The following SH3RF2 variants were observed in gnomAD, a reference collection of about 807,000 sequenced individuals.
SH3RF2 encodes the protein SH3 domain containing ring finger 2.
In SH3RF2, 43 loss-of-function variants were observed where a neutral mutation model predicts 59.0. The ratio of observed to expected loss-of-function variants is 0.73; its 90% CI spans 0.57 to 0.94. SH3RF2 has a LOEUF of 0.94. Among genes scored for constraint, SH3RF2 ranks in the 40% least tolerant of loss-of-function variants. The pLI, the probability that SH3RF2 is intolerant of heterozygous loss-of-function variation, is 0.00. For missense variants in SH3RF2, 930 were observed against 940.1 expected (o/e 0.99, Z 0.14); for synonymous variants, 391 against 391.5 (o/e 1.00, Z 0.01).
intron 5 of SH3RF2, among the ~76,000 whole-genome samples, chr5:146,044,723 A>C (rs1762246799): frequency 6.6e-6 from 1 of 151,828 alleles, no homozygotes. Flanking sequence ...ACCCTATGCC[A>C]TTCTCAGGGT....
chr5:145,999,237 A>G (rs1760295592), intron 2 of SH3RF2, among the ~76,000 whole-genome samples: 2 of 152,206 alleles, frequency 1.3e-5, no homozygotes, highest in African/African-American at 2.4e-5. Context: ...ATAGAATTAA[A>G]GAAAGTTAGG....
intron 2 of SH3RF2, among the ~76,000 whole-genome samples, chr5:145,971,875 ATG>A (rs1759095947): frequency 1.1e-5 from 1 of 93,708 alleles, no homozygotes. Flanking sequence ...AGTGATAATG[ATG>A]ATGATGATGA....
intron 3 of SH3RF2, among the ~76,000 whole-genome samples, chr5:146,003,279 G>T (rs1760502040): frequency 6.6e-6 from 1 of 152,310 alleles, no homozygotes; most frequent in East Asian, 1.9e-4. Flanking sequence ...TTAACAGGTG[G>T]TGGGAAAGGG....
intron 5 of SH3RF2, among the ~76,000 whole-genome samples, chr5:146,024,690 G>A (rs1405914935): frequency 6.6e-6 from 1 of 152,038 alleles, no homozygotes; most frequent in Non-Finnish European, 1.5e-5. Context: ...TTACTCTAAT[G>A]TTTAGATTTT....
intron 5 of SH3RF2, among the ~76,000 whole-genome samples, chr5:146,025,958 A>G (rs987759216): frequency 2.6e-5 from 4 of 152,206 alleles, no homozygotes; most frequent in Non-Finnish European, 5.9e-5. Flanking sequence ...AGCCATTGCT[A>G]TTACCTTCCC....
rs1242184609 is a variant in SH3RF2 at position 146,002,460 on chromosome 5, AAAGAAAGAAAAGGAAGG to A, written c.649-1594_649-1578del. ...AGCGAGACTCCATCTAAAAATTAAA[AAAGAAAGAAAAGGAAGG>A]AAGGAAGGAAGGAAGGAAGGAAGGA... On this transcript the variant is annotated intron_variant, in intron 3 of 9. Transcript: ENST00000359120. Among the ~76,000 whole-genome samples the A allele has an allele frequency of 6.7e-4, 96 of 143,224 alleles. 1 individual carries two copies. The highest frequency in any genetic ancestry group is 2.4e-4 in the Non-Finnish European group (16 of 66,098). 94.0% of individuals were successfully genotyped at this position (143,224 alleles called of 152,430 possible).
intron 5 of SH3RF2, among the ~76,000 whole-genome samples, chr5:146,027,168 G>T (rs1453093759): frequency 6.6e-6 from 1 of 152,214 alleles, no homozygotes; most frequent in Non-Finnish European, 1.5e-5. Flanking sequence ...ATTAGGGAAG[G>T]AGTGTGACTC....
At chr5:146,010,247 A>G (rs1367793807) in intron 4 of SH3RF2, among the ~76,000 whole-genome samples, 1 of 152,184 alleles carries the variant, frequency 6.6e-6, no homozygotes, top group East Asian at 1.9e-4. Context: ...CATGGTGTAT[A>G]TGTGCCACAT....
rs566264171 is a variant in SH3RF2 at position 146,056,235 on chromosome 5, C to T, written c.1555+22C>T. 53 of 1,613,988 alleles carry T rather than the reference C, an allele frequency of 3.3e-5. No homozygotes were observed. The South Asian group carries it at 3.4e-4, about 10-fold the overall frequency. On this transcript the variant is annotated intron_variant, in intron 8 of 9. Transcript: ENST00000359120. ...AAGAGTAAGTGGTGGCAGAGAGGTA[C>T]GTGCCTAGAGCTAAGTGATGGGGGG...
Position 145,997,372 on chromosome 5 carries a change from A to G in SH3RF2, c.379-2686A>G. 3 of 1,203,818 alleles carry G rather than the reference A, an allele frequency of 2.5e-6. 1 individual carries two copies. The South Asian group carries it at 3.6e-5, about 15-fold the overall frequency. 74.6% of individuals were successfully genotyped at this position (1,203,818 alleles called of 1,614,324 possible). On this transcript the variant is annotated intron_variant, in intron 2 of 9. Transcript: ENST00000359120. Reference sequence around the variant, plus strand: ...CTCCAGTCTAAATATGTTGAAGAGCAGCCTGGTCATTTATAAATGGGCTTT... The same window carrying G: ...CTCCAGTCTAAATATGTTGAAGAGCGGCCTGGTCATTTATAAATGGGCTTT...
chr5:146,065,470 G>C (rs1221282269), downstream of SH3RF2, among the ~76,000 whole-genome samples: 1 of 152,198 alleles, frequency 6.6e-6, no homozygotes, highest in African/African-American at 2.4e-5. Context: ...CTATCCCTCA[G>C]TGGCAATGTA....
chr5:146,030,625 C>A (rs1486680921), intron 5 of SH3RF2, among the ~76,000 whole-genome samples: 1 of 152,184 alleles, frequency 6.6e-6, no homozygotes, highest in Non-Finnish European at 1.5e-5. Flanking sequence ...AAATTATCCA[C>A]TGTTCATTCA....
At chr5:146,072,819 G>A (rs935701152) in intron 9 of SH3RF2, among the ~76,000 whole-genome samples, 1 of 152,156 alleles carries the variant, frequency 6.6e-6, no homozygotes, top group African/African-American at 2.4e-5. Context: ...TACAGGCCCC[G>A]TGTTTCCCTG....
At chr5:145,980,407 T>C (rs903238895) in intron 2 of SH3RF2, among the ~76,000 whole-genome samples, 2 of 152,224 alleles carry the variant, frequency 1.3e-5, no homozygotes, top group African/African-American at 4.8e-5. Context: ...TCATGAATCT[T>C]TCCCATGACA....
At position 146,063,176 on chromosome 5, in the gene SH3RF2, C is replaced by T. The variant is rs1473099263; in HGVS notation, c.*475C>T. 6.5e-6 allele frequency: 1 copy of T among 154,390 alleles called. No individual in the cohort carries two copies. The highest frequency in any genetic ancestry group is 1.4e-5 in the Non-Finnish European group (1 of 69,756). 9.6% of individuals were successfully genotyped at this position (154,390 alleles called of 1,614,324 possible). ...CCTGTACACTGGCCACTAGTAGCTG[C>T]CATATCTTTTTCCCTCTGTAAAGTC... On this transcript the variant is annotated 3_prime_UTR_variant, in exon 10 of 10. Coordinates refer to ENST00000359120, the MANE Select transcript of SH3RF2 (RefSeq NM_152550.4).
In SH3RF2 at chr5:146,076,026, A is replaced by AT. The variant is rs1371247192; in HGVS notation, c.*34-2428dup. Among the ~76,000 whole-genome samples the AT allele has an allele frequency of 6.6e-5, 10 of 152,130 alleles. No homozygotes were observed. The South Asian group carries it at 2.1e-3, about 32-fold the overall frequency. On this transcript the variant is annotated intron_variant, in intron 9 of 9. Coordinates refer to the SH3RF2 transcript ENST00000511217. ...AGTCACACCTCCTACCATTGATGGG[A>AT]TTTTTTGGGTGCCTATTAAAATGTC...
rs998680303 is a variant in SH3RF2 at position 145,993,767 on chromosome 5, T to C, written c.379-6291T>C. ...TCCTCCTAGGCCTCCAGGCCTGTGA[T>C]GGGAGGGGCTGCCATGAAGACCTCT... is the stretch of plus-strand genomic sequence containing the variant. On this transcript the variant is annotated intron_variant, in intron 2 of 9. Transcript: ENST00000359120. Among the ~76,000 whole-genome samples the C allele has an allele frequency of 2.4e-3, 370 of 152,330 alleles. 1 individual carries two copies. Among genetic ancestry groups the C allele is most frequent in the Non-Finnish European group, 2.6e-3 (175 of 68,030 alleles).
At chr5:146,065,000 A>G (rs1024971836), downstream of SH3RF2, among the ~76,000 whole-genome samples, 5 of 152,158 alleles carry the variant, frequency 3.3e-5, no homozygotes, top group African/African-American at 1.2e-4. Flanking sequence ...CACTCGGCAA[A>G]CAGAATTGTC....
At chr5:146,035,734 G>A (rs974588697) in intron 5 of SH3RF2, among the ~76,000 whole-genome samples, 1 of 152,168 alleles carries the variant, frequency 6.6e-6, no homozygotes, top group Non-Finnish European at 1.5e-5. Context: ...AAGGACGTAG[G>A]TCCTTCAGTC....
Sources: allele counts gnomAD v4.1 joint callset (sites outside exome capture counted in the v4.1 genomes callset), GRCh38; gene constraint gnomAD v4.1.1; transcripts MANE v1.5; gene names NCBI Gene and HGNC (gene_info 2026-07-23, HGNC 2026-07-21).